Variants in MAGI1 observed in about 807,000 individuals in gnomAD.
The protein encoded by MAGI1 is membrane-associated guanylate kinase, WW and PDZ domain-containing protein 1.
A neutral mutation model predicts 139.9 loss-of-function variants in MAGI1; 58 were observed. The ratio of observed to expected loss-of-function variants is 0.41; its 90% CI spans 0.34 to 0.52. The LOEUF (loss-of-function observed/expected upper bound fraction) is 0.52, where lower values mean the gene tolerates loss of function less well. Ranked by LOEUF, MAGI1 falls within the 20% of genes least tolerant of loss-of-function variation. MAGI1 has a pLI of 0.12. For missense variants in MAGI1, 1,874 were observed against 1,901.6 expected, an observed-to-expected ratio of 0.99 and a Z score of 0.27; for synonymous variants, 812 against 737.9, an observed-to-expected ratio of 1.10 and a Z score of -1.63.
intron 1 of MAGI1, among the ~76,000 whole-genome samples, chr3:65,693,925 C>T (rs561465130): frequency 1.3e-4 from 19 of 151,974 alleles, no homozygotes; most frequent in African/African-American, 3.9e-4. Flanking sequence ...TTCACCATGT[C>T]GGCCAGGCTG....
intron 5 of MAGI1, 27 bp from the exon 6 acceptor site, chr3:65,453,367 A>T: frequency 2.2e-6 from 3 of 1,357,340 alleles, no homozygotes; most frequent in Non-Finnish European, 3.1e-6. Context: ...AAAATAAGAA[A>T]TTTGTTTGAA....
chr3:65,748,964 A>G (rs11131037), intron 1 of MAGI1, among the ~76,000 whole-genome samples: 41,441 of 152,068 alleles, frequency 0.27, 6,742 homozygotes, highest in East Asian at 0.46. Context: ...AGGGGTGGCA[A>G]TGGTGATCCA....
chr3:65,752,190 G>A (rs936151946), intron 1 of MAGI1, among the ~76,000 whole-genome samples: 7 of 152,062 alleles, frequency 4.6e-5, no homozygotes, highest in South Asian at 2.1e-4. Context: ...CTCAAGCAAC[G>A]TGCCCTCCTT....
chr3:65,379,750 C>T (rs533559288), intron 16 of MAGI1, among the ~76,000 whole-genome samples, 196 bp from the exon 17 acceptor site: 3 of 152,106 alleles, frequency 2.0e-5, no homozygotes, highest in Admixed American at 6.5e-5. Context: ...TCAGTATCTA[C>T]GAACATTGAT....
chr3:65,805,962 A>G (rs1379710029), intron 1 of MAGI1, among the ~76,000 whole-genome samples: 1 of 152,180 alleles, frequency 6.6e-6, no homozygotes, highest in African/African-American at 2.4e-5. Context: ...AAAGGAGAGC[A>G]TCAGGATAAA....
At chr3:65,795,570 G>T (rs969017112) in intron 1 of MAGI1, among the ~76,000 whole-genome samples, 1 of 152,110 alleles carries the variant, frequency 6.6e-6, no homozygotes, top group Admixed American at 6.6e-5. Flanking sequence ...GGATACACTG[G>T]ATGGCCCTGT....
At chr3:65,464,224 G>C (rs1391911067) in intron 5 of MAGI1, among the ~76,000 whole-genome samples, 1 of 151,754 alleles carries the variant, frequency 6.6e-6, no homozygotes, top group East Asian at 1.9e-4. Context: ...TTTATCTATT[G>C]TTTTTCAGCT....
chr3:66,022,947 T>A (rs2068039481), intron 1 of MAGI1, among the ~76,000 whole-genome samples: 1 of 152,194 alleles, frequency 6.6e-6, no homozygotes, highest in South Asian at 2.1e-4. Flanking sequence ...AAATTTAACC[T>A]GGGATCGCCC....
chr3:65,549,587 G>A (rs6809997), intron 2 of MAGI1: 34,745 of 553,166 alleles, frequency 0.063, 1,580 homozygotes, highest in African/African-American at 0.19. Context: ...GGGCGGCAGC[G>A]GCGTCAATGC....
chr3:65,487,521 C>G (rs1170717428), intron 3 of MAGI1, among the ~76,000 whole-genome samples: 2 of 152,190 alleles, frequency 1.3e-5, no homozygotes, highest in East Asian at 1.9e-4. Flanking sequence ...AAAGCAAGCT[C>G]TCTCTGGATT....
chr3:65,845,873 T>C (rs1029812819), intron 1 of MAGI1, among the ~76,000 whole-genome samples: 1 of 152,220 alleles, frequency 6.6e-6, no homozygotes, highest in African/African-American at 2.4e-5. Context: ...TGCCAGCCAA[T>C]AGTTTGCTGG....
intron 1 of MAGI1, among the ~76,000 whole-genome samples, chr3:65,928,794 G>A (rs549008824): frequency 6.6e-6 from 1 of 152,140 alleles, no homozygotes; most frequent in African/African-American, 2.4e-5. Context: ...TGTTACATAA[G>A]GAAAACCACA....
intron 1 of MAGI1, among the ~76,000 whole-genome samples, chr3:65,786,258 T>TC (rs2039372668): frequency 6.7e-6 from 1 of 149,818 alleles, no homozygotes; most frequent in African/African-American, 2.5e-5. Context: ...TAACTTTTTT[T>TC]TTTTTTTTTT....
intron 4 of MAGI1, among the ~76,000 whole-genome samples, chr3:65,471,014 T>C (rs1015141711): frequency 5.3e-5 from 8 of 152,188 alleles, no homozygotes; most frequent in South Asian, 2.1e-4. Context: ...GATCAAAGAA[T>C]GGTTAATTAA....
intron 1 of MAGI1, among the ~76,000 whole-genome samples, chr3:65,869,267 A>C (rs1233432906): frequency 6.6e-6 from 1 of 151,406 alleles, no homozygotes; most frequent in Non-Finnish European, 1.5e-5. Context: ...AAAAAAAAAA[A>C]AAAACAACAA....
At chr3:65,367,212 T>C (rs1343673113) in intron 18 of MAGI1, among the ~76,000 whole-genome samples, 1 of 152,238 alleles carries the variant, frequency 6.6e-6, no homozygotes, top group Non-Finnish European at 1.5e-5. Context: ...AATGATTGAA[T>C]TGTACAGAGG....
In MAGI1 at chr3:65,518,775, A is replaced by AT. The variant is rs386396904; in HGVS notation, c.431-25145_431-25144insA. On this transcript the variant is annotated intron_variant, in intron 2 of 22. Transcript: ENST00000402939. ...TGAAGACGGTAGATGCAGCAAAAAA[A>AT]AAATAAATAAATAAACCGAGTTTAC... Among the ~76,000 whole-genome samples the AT allele has an allele frequency of 8.0e-4, 121 of 152,080 alleles. 1 individual carries two copies. Among genetic ancestry groups the AT allele is most frequent in the Middle Eastern group, 3.4e-3 (1 of 294 alleles).
chr3:65,490,394 A>G (rs1951919113), intron 3 of MAGI1, among the ~76,000 whole-genome samples: 1 of 152,194 alleles, frequency 6.6e-6, no homozygotes, highest in South Asian at 2.1e-4. Flanking sequence ...AGCAGCCACC[A>G]TCAGGGGACT....
intron 1 of MAGI1, among the ~76,000 whole-genome samples, chr3:65,869,234 T>C (rs1159451812): frequency 2.1e-4 from 28 of 133,134 alleles, no homozygotes; most frequent in African/African-American, 5.6e-4. Flanking sequence ...CCAGCCTGGG[T>C]GACAGAGCGA....
Sources: allele counts gnomAD v4.1 joint callset (sites outside exome capture counted in the v4.1 genomes callset), GRCh38; gene constraint gnomAD v4.1.1; transcripts MANE v1.5; gene names NCBI Gene and HGNC (gene_info 2026-07-23, HGNC 2026-07-21).